Variants in SPRYD3 observed in about 807,000 individuals in gnomAD.
SPRYD3 encodes the protein SPRY domain containing 3.
SPRYD3 carries 17 observed loss-of-function variants against 50.1 expected under a neutral mutation model. The ratio of observed to expected loss-of-function variants is 0.34; its 90% CI spans 0.23 to 0.51. The LOEUF (loss-of-function observed/expected upper bound fraction) is 0.51, where lower values mean the gene tolerates loss of function less well. Ranked by LOEUF, SPRYD3 falls within the 20% of genes least tolerant of loss-of-function variation. SPRYD3 has a pLI of 0.97. For synonymous variants in SPRYD3, 198 were observed against 215.5 expected (o/e 0.92, Z 0.71); for missense variants, 401 against 591.2 (o/e 0.68, Z 3.34).
Position 53,073,380 on chromosome 12 carries a change from T to C in SPRYD3, c.599A>G (p.Asn200Ser), listed in dbSNP as rs866649418. ...SLGEEVRLHL[N>S]AELGREDDSV... The stretch of plus-strand genomic sequence containing the variant: ...GTCGTCCTCACGGCCCAGCTCAGCG[T>C]TGAGGTGCAGCCGCACCTCCTCACC... Residue 200 changes from asparagine to serine, a missense_variant, in exon 6 of 11, where the codon AAC (asparagine) becomes AGC (serine). Coordinates refer to ENST00000301463, the MANE Select transcript of SPRYD3 (RefSeq NM_032840.3). 12 of 1,589,830 alleles carry C rather than the reference T, an allele frequency of 7.5e-6. No individual in the cohort carries two copies. The Admixed American group carries it at 2.1e-4, about 28-fold the overall frequency.
At chr12:53,073,255 A>AACC in intron 6 of SPRYD3, 31 bp downstream of exon 6, 1 of 383,668 alleles carries the variant, frequency 2.6e-6, no homozygotes. Flanking sequence ...CCTCCGACCC[A>AACC]GCCCCTCCCA....
intron 6 of SPRYD3, among the ~76,000 whole-genome samples, chr12:53,070,659 G>C (rs1944543236): frequency 6.6e-6 from 1 of 152,226 alleles, no homozygotes; most frequent in Non-Finnish European, 1.5e-5. Context: ...TTAATGAAGT[G>C]ACCAATACAC....
In SPRYD3 at chr12:53,073,336, T is replaced by C. The variant is rs1944563065; in HGVS notation, c.643A>G (p.Ser215Gly). ...AGCCGGCCCCATTCATCCTCGTAACTGTCCACCATCATGACGCTGTCGTCC... is the reference window on the plus strand; with the variant it reads ...AGCCGGCCCCATTCATCCTCGTAACCGTCCACCATCATGACGCTGTCGTCC... ...REDDSVMMVD[S>G]YEDEWGRLHD... The change falls in exon 6 of 11, where the codon AGT (serine) becomes GGT (glycine). Residue 215 changes from serine to glycine, a missense_variant. Coordinates refer to ENST00000301463, the MANE Select transcript of SPRYD3 (RefSeq NM_032840.3). 1.4e-6 allele frequency: 2 copies of C among 1,452,106 alleles called. No individual in the cohort carries two copies. Among genetic ancestry groups the C allele is most frequent in the East Asian group, 3.1e-5 (1 of 31,922 alleles). 90.0% of individuals were successfully genotyped at this position (1,452,106 alleles called of 1,614,324 possible).
At chr12:53,072,349 T>G (rs1291479034) in intron 6 of SPRYD3, among the ~76,000 whole-genome samples, 1 of 152,146 alleles carries the variant, frequency 6.6e-6, no homozygotes, top group Admixed American at 6.5e-5. Context: ...GGGGGAGGCC[T>G]GGCTCCTAAT....
rs996509279 is a variant in SPRYD3 at position 53,065,624 on chromosome 12, C to G, written c.*208G>C. ...GGGTCCATTCCTGTCCAACCAGGGA[C>G]TCAGGCCCAGGGACTGACAACAGTG... On this transcript the variant is annotated 3_prime_UTR_variant, in exon 11 of 11. Transcript: ENST00000301463. The G allele has an allele frequency of 3.6e-6, 2 of 562,058 alleles. No homozygotes were observed. The highest frequency in any genetic ancestry group is 6.4e-6 in the Non-Finnish European group (2 of 314,738). The allele number at this position is 562,058 out of a possible 1,614,324, so 34.8% of individuals were successfully genotyped here. A position where few individuals can be genotyped will look rare whatever the true frequency, so the allele number is the denominator to read the frequency against.
At chr12:53,067,339 C>T (rs1358318201) in intron 8 of SPRYD3, among the ~76,000 whole-genome samples, 1 of 151,864 alleles carries the variant, frequency 6.6e-6, no homozygotes, top group Non-Finnish European at 1.5e-5. Context: ...CCAAGGAAAC[C>T]AAGCAGCAAA....
At chr12:53,072,183 A>G (rs1193479701) in intron 6 of SPRYD3, among the ~76,000 whole-genome samples, 1 of 151,922 alleles carries the variant, frequency 6.6e-6, no homozygotes. Flanking sequence ...GATTGAGGGG[A>G]AAAAGGAAAG....
rs148811436 is a variant in SPRYD3, at chr12:53,073,351, C to T, written c.628G>A (p.Val210Ile). The T allele has an allele frequency of 1.5e-5, 23 of 1,573,498 alleles. No individual in the cohort carries two copies. The highest frequency in any genetic ancestry group is 1.7e-4 in the Middle Eastern group (1 of 5,928). The stretch of plus-strand genomic sequence containing the variant: ...TCCTCGTAACTGTCCACCATCATGA[C>T]GCTGTCGTCCTCACGGCCCAGCTCA... Reference protein sequence around the residue: ...NAELGREDDSVMMVDSYEDEW... With the variant: ...NAELGREDDSIMMVDSYEDEW... The change falls in exon 6 of 11, where the codon GTC becomes ATC. Residue 210 changes from valine (V) to isoleucine (I), a missense_variant. Coordinates refer to ENST00000301463, the MANE Select transcript of SPRYD3 (RefSeq NM_032840.3).
In SPRYD3 at chr12:53,074,811, G is replaced by C. The variant is rs1349560331; in HGVS notation, c.372-27C>G. 2 of 1,611,888 alleles carry C rather than the reference G, an allele frequency of 1.2e-6. No homozygotes were observed. Among genetic ancestry groups the C allele is most frequent in the Non-Finnish European group, 1.7e-6 (2 of 1,178,252 alleles). ...TACAGACAGAGTAGTACAGACACAGGACCCGAGCCTGGCCTCCCAACTTCT... is the reference window on the plus strand; with the variant it reads ...TACAGACAGAGTAGTACAGACACAGCACCCGAGCCTGGCCTCCCAACTTCT... On this transcript the variant is annotated intron_variant, in intron 4 of 10. Transcript: ENST00000301463. The surrounding 1 kb of genome is among the most constrained non-coding windows in gnomAD (Gnocchi z 4.6).
In SPRYD3 at chr12:53,066,437, C is replaced by T; in HGVS notation, c.1071G>A (p.Arg357=). 1 of 1,614,164 alleles carries T rather than the reference C, an allele frequency of 6.2e-7. No homozygotes were observed. Among genetic ancestry groups the T allele is most frequent in the Non-Finnish European group, 8.5e-7 (1 of 1,180,026 alleles). The part of the protein sequence containing the change: ...CDTVILSPTA[R]AVRNVRNVMY... ...TGACATTCCGCACGTTCCGGACGGCCCGGGCAGTCGGAGACAGGATCACTG... is the reference window on the plus strand; with the variant it reads ...TGACATTCCGCACGTTCCGGACGGCTCGGGCAGTCGGAGACAGGATCACTG... The change falls in exon 10 of 11, where the codon CGG becomes CGA. Residue 357 remains arginine (R), a synonymous_variant. Transcript: ENST00000301463.
At position 53,073,421 on chromosome 12, in the gene SPRYD3, C is replaced by A; in HGVS notation, c.558G>T (p.Val186=). The change falls in exon 6 of 11, where the codon GTG becomes GTT. Residue 186 remains valine, a synonymous_variant. Coordinates refer to ENST00000301463, the MANE Select transcript of SPRYD3 (RefSeq NM_032840.3). ...CCTCCTCACCCAGGGAGTGCATGCC[C>A]ACTGCTGGGAACAGTCCATCTGGGG... is the stretch of plus-strand genomic sequence containing the variant. ...PMSPDGLFPA[V]GMHSLGEEVR... 1 of 1,574,488 alleles carries A rather than the reference C, an allele frequency of 6.4e-7. No homozygotes were observed. Among genetic ancestry groups the A allele is most frequent in the Non-Finnish European group, 8.6e-7 (1 of 1,159,534 alleles).
intron 1 of SPRYD3, among the ~76,000 whole-genome samples, chr12:53,078,427 T>C (rs778140284): frequency 2.5e-4 from 37 of 149,692 alleles, no homozygotes; most frequent in Admixed American, 8.0e-4. Flanking sequence ...AGGTGGAGTT[T>C]GCAGTGAGCC....
At position 53,079,285 on chromosome 12, in the gene SPRYD3, G is replaced by A. The variant is rs751785528; in HGVS notation, c.23+26C>T. The stretch of plus-strand genomic sequence containing the variant: ...GCTCCGGGGAGATACGAGGCCTCCG[G>A]GACCCCGCCCCCGATCCCCGCCTAC... On this transcript the variant is annotated intron_variant, in intron 1 of 10. Transcript: ENST00000301463. 8 of 1,600,128 alleles carry A rather than the reference G, an allele frequency of 5.0e-6. No homozygotes were observed. In the East Asian group the frequency reaches 1.8e-4, roughly 36 times the overall value.
Position 53,074,315 on chromosome 12 carries a change from G to A in SPRYD3, c.507+334C>T, listed in dbSNP as rs777854459. Reference sequence around the variant, plus strand: ...CCAAAGAGGACCTCCAGCTTACATGGCCAGGCCATAATCTTCCCCTCTCTT... The same window carrying A: ...CCAAAGAGGACCTCCAGCTTACATGACCAGGCCATAATCTTCCCCTCTCTT... On this transcript the variant is annotated intron_variant, in intron 5 of 10. Transcript: ENST00000301463. This position sits in a 1 kb window ranked among gnomAD's most constrained non-coding sequence, Gnocchi z 4.6. 1.1e-4 allele frequency among the ~76,000 whole-genome samples: 17 copies of A among 152,176 alleles called. No homozygotes were observed. Among genetic ancestry groups the A allele is most frequent in the Admixed American group, 3.9e-4 (6 of 15,280 alleles).
Position 53,065,706 on chromosome 12 carries a change from G to T in SPRYD3, c.*126C>A, listed in dbSNP as rs745445022. Reference sequence around the variant, plus strand: ...AAGCGTGACAGGGGCCTGAGCCAGTGGGGGCAGAGTGACTACACACCTCCA... The same window carrying T: ...AAGCGTGACAGGGGCCTGAGCCAGTTGGGGCAGAGTGACTACACACCTCCA... On this transcript the variant is annotated 3_prime_UTR_variant, in exon 11 of 11. Coordinates refer to ENST00000301463, the MANE Select transcript of SPRYD3 (RefSeq NM_032840.3). 162 of 984,590 alleles carry T rather than the reference G, an allele frequency of 1.6e-4. No homozygotes were observed. Among genetic ancestry groups the T allele is most frequent in the Non-Finnish European group, 6.4e-5 (42 of 652,280 alleles). 61.0% of individuals were successfully genotyped at this position (984,590 alleles called of 1,614,324 possible).
At chr12:53,078,484 CAAAAA>C (rs79320546) in intron 1 of SPRYD3, among the ~76,000 whole-genome samples, 1 of 68,722 alleles carries the variant, frequency 1.5e-5, no homozygotes. Flanking sequence ...AACTCCATCT[CAAAAA>C]AAAAAAAAAA....
At chr12:53,078,528 T>G (rs1944607424) in intron 1 of SPRYD3, among the ~76,000 whole-genome samples, 1 of 148,830 alleles carries the variant, frequency 6.7e-6, no homozygotes, top group Admixed American at 6.7e-5. Flanking sequence ...TTCCTAAAGA[T>G]CATTCCAGCT....
chr12:53,066,747 C>T, intron 8 of SPRYD3, 55 bp from the exon 9 acceptor site: 1 of 1,549,290 alleles, frequency 6.5e-7, no homozygotes, highest in Non-Finnish European at 8.7e-7. Context: ...TGACACCACA[C>T]CCCCAGAGTG....
rs770170344 is a variant in SPRYD3 at position 53,074,621 on chromosome 12, G to T, written c.507+28C>A. ...AAATCCTTGGGCAGATTTCAGCCAC[G>T]TAAATCCCACCACTATTTCCCACTC... On this transcript the variant is annotated intron_variant, in intron 5 of 10. Transcript: ENST00000301463. The surrounding 1 kb of genome is among the most constrained non-coding windows in gnomAD (Gnocchi z 4.6). 1.9e-6 allele frequency: 3 copies of T among 1,614,060 alleles called. No homozygotes were observed. Among genetic ancestry groups the T allele is most frequent in the Non-Finnish European group, 2.5e-6 (3 of 1,179,918 alleles).
Sources: allele counts gnomAD v4.1 joint callset (sites outside exome capture counted in the v4.1 genomes callset), GRCh38; gene constraint gnomAD v4.1.1; non-coding constraint Gnocchi (gnomAD v3.1); transcripts MANE v1.5; gene names NCBI Gene and HGNC (gene_info 2026-07-23, HGNC 2026-07-21).